Variants in CCSER1 observed in about 807,000 individuals in gnomAD.
CCSER1 encodes coiled-coil serine rich protein 1.
A neutral mutation model predicts 82.0 loss-of-function variants in CCSER1; 41 were observed. That is an observed-to-expected ratio of 0.50 (90% CI 0.39 to 0.65). The LOEUF (loss-of-function observed/expected upper bound fraction) is 0.65, where lower values mean the gene tolerates loss of function less well. Among genes scored for constraint, CCSER1 ranks in the 30% least tolerant of loss-of-function variants. The pLI is 0.00. For synonymous variants in CCSER1, 414 were observed against 383.9 expected (o/e 1.08, Z -0.92); for missense variants, 1,119 against 1,064.2 (o/e 1.05, Z -0.72).
chr4:90,167,957 C>T (rs1358902816), intron 1 of CCSER1, among the ~76,000 whole-genome samples: 34 of 152,034 alleles, frequency 2.2e-4, no homozygotes, highest in Non-Finnish European at 4.4e-4. Context: ...GTCTTTATAG[C>T]AGCATGATTT....
intron 6 of CCSER1, among the ~76,000 whole-genome samples, chr4:90,689,982 TG>T (rs1246977632): frequency 1.3e-5 from 2 of 151,940 alleles, no homozygotes; most frequent in African/African-American, 4.8e-5. Context: ...CTCTGAAGGG[TG>T]AGTTCTAAAG....
At chr4:90,260,728 T>G (rs144622445) in intron 1 of CCSER1, among the ~76,000 whole-genome samples, 74 of 152,274 alleles carry the variant, frequency 4.9e-4, no homozygotes, top group African/African-American at 1.7e-3. Context: ...ATTTCTTGAT[T>G]TATTAAGACA....
intron 10 of CCSER1, among the ~76,000 whole-genome samples, chr4:91,163,558 G>A (rs1731680291): frequency 1.3e-5 from 2 of 152,122 alleles, no homozygotes; most frequent in East Asian, 1.9e-4. Context: ...ATTATTGTTT[G>A]GGAGTCTAAG....
At chr4:91,393,369 T>C (rs1751778370) in intron 10 of CCSER1, among the ~76,000 whole-genome samples, 2 of 152,206 alleles carry the variant, frequency 1.3e-5, no homozygotes, top group Admixed American at 6.6e-5. Flanking sequence ...ATTCAAGGAA[T>C]GTAAGTAAAA....
chr4:90,365,927 A>G (rs1208474586), intron 3 of CCSER1, among the ~76,000 whole-genome samples: 3 of 151,932 alleles, frequency 2.0e-5, no homozygotes, highest in Non-Finnish European at 4.4e-5. Flanking sequence ...TAAAATTAAT[A>G]GTATATAGAA....
At chr4:90,250,379 C>G (rs1029161246) in intron 1 of CCSER1, among the ~76,000 whole-genome samples, 2 of 152,040 alleles carry the variant, frequency 1.3e-5, no homozygotes, top group African/African-American at 4.8e-5. Flanking sequence ...GGCTTAAGAT[C>G]TATTTTGATT....
At position 90,612,705 on chromosome 4, in the gene CCSER1, G is replaced by C. The variant is rs76136859; in HGVS notation, c.1725-15320G>C. Among the ~76,000 whole-genome samples the C allele has an allele frequency of 4.6e-4, 70 of 152,092 alleles. 1 individual carries two copies. Among genetic ancestry groups the C allele is most frequent in the Non-Finnish European group, 8.8e-5 (6 of 68,010 alleles). ...TATGGCTCCCTATATAGTAGTATTT[G>C]AGAAACCAAATACCATAAAAAGGCT... On this transcript the variant is annotated intron_variant, in intron 5 of 10. Transcript: ENST00000509176.
intron 8 of CCSER1, among the ~76,000 whole-genome samples, chr4:90,888,261 T>C (rs1722447027): frequency 6.6e-6 from 1 of 152,178 alleles, no homozygotes; most frequent in Non-Finnish European, 1.5e-5. Context: ...CATGGGGATA[T>C]ATAAAAAGTA....
At chr4:90,756,084 C>G (rs1425536691) in intron 7 of CCSER1, among the ~76,000 whole-genome samples, 1 of 151,980 alleles carries the variant, frequency 6.6e-6, no homozygotes, top group Non-Finnish European at 1.5e-5. Flanking sequence ...AAACGCTAGC[C>G]AGGCGTGGTG....
chr4:91,527,414 T>C (rs976655574), intron 10 of CCSER1, among the ~76,000 whole-genome samples: 2 of 152,194 alleles, frequency 1.3e-5, no homozygotes, highest in African/African-American at 4.8e-5. Context: ...CATCTGTATT[T>C]GGATGAAGCA....
chr4:91,163,689 C>T (rs535938481), intron 10 of CCSER1, among the ~76,000 whole-genome samples: 2 of 152,152 alleles, frequency 1.3e-5, no homozygotes, highest in East Asian at 3.9e-4. Flanking sequence ...TATGTAATGG[C>T]CTTCCTTGTC....
At chr4:90,942,131 G>A (rs1381931494) in intron 9 of CCSER1, among the ~76,000 whole-genome samples, 7 of 151,920 alleles carry the variant, frequency 4.6e-5, no homozygotes, top group Non-Finnish European at 1.0e-4. Flanking sequence ...TGTATTTTTT[G>A]TAGAGATGGG....
intron 10 of CCSER1, among the ~76,000 whole-genome samples, chr4:91,105,298 CA>C (rs369285677): frequency 6.6e-6 from 1 of 151,772 alleles, no homozygotes; most frequent in South Asian, 2.1e-4. Flanking sequence ...CTGTTTCCCT[CA>C]AAAAAAGGGC....
At chr4:90,991,725 T>C (rs1382433404) in intron 9 of CCSER1, among the ~76,000 whole-genome samples, 1 of 152,062 alleles carries the variant, frequency 6.6e-6, no homozygotes, top group Non-Finnish European at 1.5e-5. Context: ...GATTAGGACT[T>C]AGGACTTCAA....
intron 10 of CCSER1, among the ~76,000 whole-genome samples, chr4:91,100,757 T>C (rs981778008): frequency 1.3e-5 from 2 of 152,204 alleles, no homozygotes; most frequent in Non-Finnish European, 2.9e-5. Context: ...TTCTGGGTCA[T>C]CTTCAGATTG....
At chr4:91,190,057 T>C (rs1734874171) in intron 10 of CCSER1, among the ~76,000 whole-genome samples, 1 of 152,172 alleles carries the variant, frequency 6.6e-6, no homozygotes, top group Non-Finnish European at 1.5e-5. Flanking sequence ...TTGAAATCTG[T>C]AGCCCTGGCT....
rs191595713 is a variant in CCSER1, at chr4:91,459,060, T to C, written c.2218-139512T>C. Among the ~76,000 whole-genome samples the C allele has an allele frequency of 9.3e-4, 141 of 152,262 alleles. 1 individual carries two copies. Among genetic ancestry groups the C allele is most frequent in the Admixed American group, 9.0e-3 (138 of 15,278 alleles). On this transcript the variant is annotated intron_variant, in intron 10 of 10. Transcript: ENST00000509176. ...ATGGGACACAATATATAATGTTTCC[T>C]TCATATTAAAAATCAATTTTAAATA... is the stretch of plus-strand genomic sequence containing the variant.
intron 10 of CCSER1, among the ~76,000 whole-genome samples, chr4:91,520,638 T>A (rs1760409008): frequency 6.6e-6 from 1 of 152,234 alleles, no homozygotes; most frequent in Non-Finnish European, 1.5e-5. Flanking sequence ...TTCATATGGA[T>A]TCAAGTTACT....
intron 1 of CCSER1, among the ~76,000 whole-genome samples, chr4:90,200,722 T>C (rs1013910417): frequency 1.3e-5 from 2 of 151,892 alleles, no homozygotes; most frequent in Non-Finnish European, 1.5e-5. Context: ...CCTACTAGTT[T>C]ACTATATACA....
Sources: allele counts gnomAD v4.1 joint callset (sites outside exome capture counted in the v4.1 genomes callset), GRCh38; gene constraint gnomAD v4.1.1; transcripts MANE v1.5; gene names NCBI Gene and HGNC (gene_info 2026-07-23, HGNC 2026-07-21).